The following SHANK2 variants were observed in gnomAD, a reference collection of about 807,000 sequenced individuals.
SHANK2 encodes the protein SH3 and multiple ankyrin repeat domains protein 2.
In SHANK2, 43 loss-of-function variants were observed where a neutral mutation model predicts 133.7. That is an observed-to-expected ratio of 0.32 (90% CI 0.25 to 0.41). The LOEUF (loss-of-function observed/expected upper bound fraction) is 0.41, where lower values mean the gene tolerates loss of function less well. Ranked by LOEUF, SHANK2 falls within the 10% of genes least tolerant of loss-of-function variation. SHANK2 has a pLI of 1.00. For missense variants in SHANK2, 1,994 were observed against 2,235.8 expected (o/e 0.89, Z 2.18); for synonymous variants, 1,017 against 952.8 (o/e 1.07, Z -1.24).
At chr11:70,642,845 GA>G (rs2061202646) in intron 17 of SHANK2, among the ~76,000 whole-genome samples, 1 of 152,160 alleles carries the variant, frequency 6.6e-6, no homozygotes, top group South Asian at 2.1e-4. Context: ...ATTAGATAAA[GA>G]ATACAAGTTT....
At chr11:70,889,466 C>T (rs1949805362) in intron 11 of SHANK2, among the ~76,000 whole-genome samples, 2 of 152,192 alleles carry the variant, frequency 1.3e-5, no homozygotes, top group South Asian at 2.1e-4. Flanking sequence ...ACCGGGTACA[C>T]AGCCCATCCC....
intron 17 of SHANK2, among the ~76,000 whole-genome samples, chr11:70,563,539 CT>C (rs35931621): frequency 1.5e-4 from 20 of 135,412 alleles, no homozygotes; most frequent in African/African-American, 3.3e-4. Context: ...TCTGTGGTCA[CT>C]TTTTTTTTTT....
At chr11:71,108,106 C>A (rs1277449886) in intron 6 of SHANK2, among the ~76,000 whole-genome samples, 2 of 152,214 alleles carry the variant, frequency 1.3e-5, no homozygotes, top group Non-Finnish European at 2.9e-5. Flanking sequence ...ATGAAGGCTG[C>A]CCCTGGATGT....
intron 17 of SHANK2, among the ~76,000 whole-genome samples, chr11:70,525,048 C>G (rs1460008837): frequency 6.6e-6 from 1 of 152,250 alleles, no homozygotes; most frequent in Non-Finnish European, 1.5e-5. Context: ...CAGGTCCCAG[C>G]TGCAGCAGCA....
In SHANK2 at chr11:70,807,815, G is replaced by C. The variant is rs1312933669; in HGVS notation, c.1494-644C>G. On this transcript the variant is annotated intron_variant, in intron 12 of 25. Transcript: ENST00000601538. This position sits in a 1 kb window ranked among gnomAD's most constrained non-coding sequence, Gnocchi z 4.8. ...ATTGCACTCCAGCCTGGGTGACAGA[G>C]TGAGACTCTGTCTCCAAAAAAAAAA... is the stretch of plus-strand genomic sequence containing the variant. Among the ~76,000 whole-genome samples, 1 of 151,896 alleles carries C rather than the reference G, an allele frequency of 6.6e-6. No individual in the cohort carries two copies. The highest frequency in any genetic ancestry group is 2.4e-5 in the African/African-American group (1 of 41,256).
chr11:70,864,040 C>A, intron 11 of SHANK2: 1 of 357,574 alleles, frequency 2.8e-6, no homozygotes. Flanking sequence ...GCCCCTCAGT[C>A]TCTACGACCT....
At chr11:71,122,660 G>C (rs1952101982) in intron 3 of SHANK2, among the ~76,000 whole-genome samples, 1 of 152,164 alleles carries the variant, frequency 6.6e-6, no homozygotes, top group South Asian at 2.1e-4. Flanking sequence ...AAAAAAAAGT[G>C]AGAAAATCTG....
At chr11:70,715,489 C>T (rs1316217132) in intron 14 of SHANK2, among the ~76,000 whole-genome samples, 1 of 152,224 alleles carries the variant, frequency 6.6e-6, no homozygotes, top group Non-Finnish European at 1.5e-5. Flanking sequence ...GGGGAGGCTA[C>T]ACTCAGTCTC....
chr11:70,616,219 G>A (rs1033022350), intron 17 of SHANK2, among the ~76,000 whole-genome samples: 8 of 152,154 alleles, frequency 5.3e-5, no homozygotes, highest in Non-Finnish European at 7.3e-5. Flanking sequence ...CCCCACGGCC[G>A]ACTGCTCCTT....
intron 10 of SHANK2, among the ~76,000 whole-genome samples, chr11:70,938,109 A>G (rs1428881689): frequency 1.3e-5 from 2 of 152,208 alleles, no homozygotes; most frequent in African/African-American, 2.4e-5. Flanking sequence ...CTCTGCCCCA[A>G]TCCCAGTTTC....
At chr11:70,648,720 C>T (rs782646848) in intron 17 of SHANK2, among the ~76,000 whole-genome samples, 11 of 152,192 alleles carry the variant, frequency 7.2e-5, no homozygotes, top group African/African-American at 1.7e-4. Context: ...CCTCCACCTC[C>T]ATCAGCTTTT....
chr11:70,541,216 C>T (rs782793399), intron 17 of SHANK2, among the ~76,000 whole-genome samples: 2 of 152,236 alleles, frequency 1.3e-5, no homozygotes, highest in Admixed American at 1.3e-4. Context: ...GGATACACCA[C>T]ATTTGCCTTC....
At chr11:71,194,508 T>G (rs1247329529) in intron 2 of SHANK2, among the ~76,000 whole-genome samples, 1 of 152,056 alleles carries the variant, frequency 6.6e-6, no homozygotes, top group Non-Finnish European at 1.5e-5. Flanking sequence ...AACAGGATGT[T>G]AACAGCTGGA....
intron 3 of SHANK2, among the ~76,000 whole-genome samples, chr11:71,143,895 CT>C (rs1952599253): frequency 6.6e-6 from 1 of 151,854 alleles, no homozygotes; most frequent in African/African-American, 2.4e-5. Flanking sequence ...TCTGTGGCAA[CT>C]TTTTAGAACA....
intron 17 of SHANK2, among the ~76,000 whole-genome samples, chr11:70,597,962 G>C (rs1294933289): frequency 5.3e-5 from 8 of 152,200 alleles, no homozygotes; most frequent in African/African-American, 1.9e-4. Context: ...GAGAGGCCTT[G>C]CGGGCACCCC....
intron 11 of SHANK2, among the ~76,000 whole-genome samples, chr11:70,842,717 G>A (rs1948926084): frequency 6.6e-6 from 1 of 152,186 alleles, no homozygotes; most frequent in Non-Finnish European, 1.5e-5. Flanking sequence ...CAAGGAAGCT[G>A]AGCCCTGTCC....
At position 70,487,074 on chromosome 11, in the gene SHANK2, G is replaced by C; in HGVS notation, c.3219C>G (p.Thr1073=). The change falls in exon 25 of 26, where the codon ACC becomes ACG. Residue 1073 remains threonine, a synonymous_variant. Transcript: ENST00000601538. The surrounding 1 kb of genome is among the most constrained non-coding windows in gnomAD (Gnocchi z 5.8). The part of the protein sequence containing the change: ...PSQLRPDESL[T]VSSPFAAAIA... ...TGGCGGCGGCAAAGGGGCTGCTGAC[G>C]GTCAGGCTTTCGTCAGGCCGCAGCT... The C allele has an allele frequency of 6.2e-7, 1 of 1,609,782 alleles. No homozygotes were observed. Among genetic ancestry groups the C allele is most frequent in the Non-Finnish European group, 8.5e-7 (1 of 1,179,860 alleles).
At chr11:71,097,614 C>T (rs1211938591) in intron 6 of SHANK2, among the ~76,000 whole-genome samples, 6 of 152,138 alleles carry the variant, frequency 3.9e-5, no homozygotes, top group Non-Finnish European at 5.9e-5. Context: ...AGAGGCTGCC[C>T]AGCAGACTGT....
At chr11:70,551,956 C>T (rs782655004) in intron 17 of SHANK2, among the ~76,000 whole-genome samples, 2 of 152,208 alleles carry the variant, frequency 1.3e-5, no homozygotes, top group African/African-American at 2.4e-5. Flanking sequence ...CTTCCCAGCC[C>T]GAGGCACGGG....
Sources: gnomAD v4.1 joint callset for allele counts (sites outside exome capture counted in the v4.1 genomes callset) on GRCh38, gnomAD v4.1.1 for gene constraint, Gnocchi (gnomAD v3.1) non-coding constraint, MANE v1.5 for transcripts, NCBI Gene and HGNC (gene_info 2026-07-23, HGNC 2026-07-21) for gene names.